The following DOK6 variants were observed in gnomAD, a reference collection of about 807,000 sequenced individuals.
DOK6 encodes downstream of tyrosine kinase 6.
In DOK6, 22 loss-of-function variants were observed where a neutral mutation model predicts 44.0. The ratio of observed to expected loss-of-function variants is 0.50; its 90% CI spans 0.36 to 0.71. The LOEUF is 0.71. Among genes scored for constraint, DOK6 ranks in the 30% least tolerant of loss-of-function variants. DOK6 has a pLI of 0.00. For missense variants in DOK6, 340 were observed against 416.4 expected (o/e 0.82, Z 1.60); for synonymous variants, 166 against 145.5 (o/e 1.14, Z -1.01).
At chr18:69,485,325 A>G (rs552476919) in intron 1 of DOK6, among the ~76,000 whole-genome samples, 2 of 152,272 alleles carry the variant, frequency 1.3e-5, no homozygotes, top group African/African-American at 2.4e-5. Flanking sequence ...TCTATATCAT[A>G]TATATGTATT....
At chr18:69,781,498 A>G (rs1980264783) in intron 7 of DOK6, 1 of 152,172 alleles carries the variant, frequency 6.6e-6, no homozygotes, top group East Asian at 1.9e-4. Flanking sequence ...GACATGACTT[A>G]CCACCTAAAC....
intron 6 of DOK6, among the ~76,000 whole-genome samples, chr18:69,742,261 A>C (rs1016895060): frequency 3.3e-5 from 5 of 151,942 alleles, no homozygotes; most frequent in African/African-American, 1.2e-4. Flanking sequence ...CTAAAAATAC[A>C]AAATTAGCCA....
At chr18:69,510,878 C>T (rs1006171457) in intron 1 of DOK6, among the ~76,000 whole-genome samples, 1 of 152,084 alleles carries the variant, frequency 6.6e-6, no homozygotes. Context: ...TCTCCCCTCC[C>T]CTTTTTCTTT....
chr18:69,788,100 G>A (rs999521017), intron 7 of DOK6, among the ~76,000 whole-genome samples: 6 of 152,112 alleles, frequency 3.9e-5, no homozygotes, highest in Admixed American at 2.6e-4. Context: ...GAACTCTTGC[G>A]TGGAATCCTC....
intron 7 of DOK6, among the ~76,000 whole-genome samples, chr18:69,827,598 G>A (rs530398615): frequency 1.3e-5 from 2 of 151,964 alleles, no homozygotes; most frequent in East Asian, 1.9e-4. Flanking sequence ...ACATATCGTC[G>A]AAGTCATTTC....
chr18:69,641,328 A>C (rs1458606920), intron 3 of DOK6, among the ~76,000 whole-genome samples: 1 of 152,240 alleles, frequency 6.6e-6, no homozygotes, highest in Non-Finnish European at 1.5e-5. Flanking sequence ...GTTTACAAAA[A>C]TATTTCATGG....
At chr18:69,786,812 T>G (rs1980444078) in intron 7 of DOK6, among the ~76,000 whole-genome samples, 2 of 152,254 alleles carry the variant, frequency 1.3e-5, no homozygotes, top group Non-Finnish European at 2.9e-5. Context: ...TTCATACATA[T>G]GGGTACATTA....
intron 6 of DOK6, among the ~76,000 whole-genome samples, chr18:69,749,106 G>A (rs1315779304): frequency 6.6e-6 from 1 of 152,034 alleles, no homozygotes; most frequent in East Asian, 1.9e-4. Flanking sequence ...ACTGAACAAT[G>A]AGAACACATG....
At position 69,848,597 on chromosome 18, in the gene DOK6, T is replaced by C. The variant is rs1254088568; in HGVS notation, c.*7214T>C. 1 of 152,210 alleles carries C rather than the reference T, an allele frequency of 6.6e-6. No individual in the cohort carries two copies. The highest frequency in any genetic ancestry group is 1.5e-5 in the Non-Finnish European group (1 of 68,026). 9.4% of individuals were successfully genotyped at this position (152,210 alleles called of 1,614,324 possible). On this transcript the variant is annotated 3_prime_UTR_variant, in exon 8 of 8. Transcript: ENST00000382713. ...TAATAAAATTAGGAAATTAAATTATTTTTAAATCTGTCTGTGTGATTTTTC... is the reference window on the plus strand; with the variant it reads ...TAATAAAATTAGGAAATTAAATTATCTTTAAATCTGTCTGTGTGATTTTTC...
chr18:69,479,812 T>C (rs1294030427), intron 1 of DOK6, among the ~76,000 whole-genome samples: 2 of 152,200 alleles, frequency 1.3e-5, no homozygotes, highest in Non-Finnish European at 1.5e-5. Context: ...CTTAGAATTT[T>C]ATAAAGGGCT....
chr18:69,587,037 T>C (rs2144614160), intron 2 of DOK6, among the ~76,000 whole-genome samples: 1 of 152,358 alleles, frequency 6.6e-6, no homozygotes, highest in Non-Finnish European at 1.5e-5. Flanking sequence ...AATGGGGCTA[T>C]ATAGAAAATT....
intron 1 of DOK6, among the ~76,000 whole-genome samples, chr18:69,476,417 C>G (rs1199519331): frequency 6.6e-6 from 1 of 151,526 alleles, no homozygotes; most frequent in Non-Finnish European, 1.5e-5. Flanking sequence ...TTTGTTTTCT[C>G]AAGAGCGGAA....
At chr18:69,435,025 GGGAAGGAAGGAAGGAAGGAAGGAAGGAA>G (rs71176965) in intron 1 of DOK6, among the ~76,000 whole-genome samples, 11 of 72,334 alleles carry the variant, frequency 1.5e-4, no homozygotes, top group South Asian at 6.5e-4. Context: ...TAGGGAGGGA[GGGAAGGAAGGAAGGAAGGAAGGAAGGAA>G]GGAAGGAAGG....
At chr18:69,471,521 C>T (rs1980107894) in intron 1 of DOK6, 1 of 151,446 alleles carries the variant, frequency 6.6e-6, no homozygotes, top group East Asian at 1.9e-4. Flanking sequence ...CTGCAGTTCT[C>T]TGAGAAGACA....
In DOK6 at chr18:69,631,553, T is replaced by A. The variant is rs558200772; in HGVS notation, c.289+32055T>A. Among the ~76,000 whole-genome samples, 3 of 152,280 alleles carry A rather than the reference T, an allele frequency of 2.0e-5. No individual in the cohort carries two copies. In the East Asian group the frequency reaches 5.8e-4, roughly 29 times the overall value. ...ATTATCCTGCAAACAGACTAATCGA[T>A]CTAACCTCCCCTCTTTCAGGGCTCT... On this transcript the variant is annotated intron_variant, in intron 3 of 7. Transcript: ENST00000382713.
chr18:69,774,133 G>GATATATATAGATATATATAT lies in DOK6; in HGVS notation c.856+16269_856+16270insGATATATATATATATATATA, dbSNP rs1555670144. On this transcript the variant is annotated intron_variant, in intron 7 of 7. Coordinates refer to ENST00000382713, the MANE Select transcript of DOK6 (RefSeq NM_152721.6). Reference sequence around the variant, plus strand: ...TAGATTTATATAGATATATATATGAGATATATATATATATATATATATAAT... The same window carrying GATATATATAGATATATATAT: ...TAGATTTATATAGATATATATATGAGATATATATAGATATATATATATATATATATATATATATATATAAT... Among the ~76,000 whole-genome samples, 23 of 66,896 alleles carry GATATATATAGATATATATAT rather than the reference G, an allele frequency of 3.4e-4. 2 individuals are homozygous for GATATATATAGATATATATAT. In the East Asian group the frequency reaches 0.014, roughly 40 times the overall value. The allele number at this position is 66,896 out of a possible 152,430, so 43.9% of individuals were successfully genotyped here.
At chr18:69,705,396 T>C (rs997910153) in intron 5 of DOK6, among the ~76,000 whole-genome samples, 2 of 152,342 alleles carry the variant, frequency 1.3e-5, no homozygotes, top group Non-Finnish European at 2.9e-5. Flanking sequence ...TTGAGCTCTA[T>C]TTCTCAGATA....
At chr18:69,493,290 A>G (rs193083467) in intron 1 of DOK6, among the ~76,000 whole-genome samples, 183 of 152,300 alleles carry the variant, frequency 1.2e-3, no homozygotes, top group African/African-American at 4.3e-3. Context: ...CTAAGAAGTA[A>G]GGGAGGTTCA....
intron 3 of DOK6, among the ~76,000 whole-genome samples, chr18:69,639,940 G>C (rs1225706173): frequency 6.6e-6 from 1 of 152,254 alleles, no homozygotes; most frequent in South Asian, 2.1e-4. Context: ...GCTGGATCAG[G>C]GTCCTATTAA....
Sources: gnomAD v4.1 joint callset for allele counts (sites outside exome capture counted in the v4.1 genomes callset) on GRCh38, gnomAD v4.1.1 for gene constraint, MANE v1.5 for transcripts, NCBI Gene and HGNC (gene_info 2026-07-23, HGNC 2026-07-21) for gene names.